Variants in HTR3A observed in about 807,000 individuals in gnomAD.
HTR3A encodes the protein 5-hydroxytryptamine (serotonin) receptor 3A, ionotropic.
Under a neutral mutation model 54.8 loss-of-function variants are expected in HTR3A, and 45 were observed. The ratio of observed to expected loss-of-function variants is 0.82; its 90% CI spans 0.65 to 1.05. HTR3A has a LOEUF of 1.05. Among genes scored for constraint, HTR3A ranks in the 50% least tolerant of loss-of-function variants. HTR3A has a pLI of 0.00. For missense variants in HTR3A, 657 were observed against 614.0 expected (o/e 1.07, Z -0.74); for synonymous variants, 297 against 256.0 (o/e 1.16, Z -1.53).
chr11:113,989,430 C>T lies in HTR3A; in HGVS notation c.1139-35C>T, dbSNP rs368225363. ...CCATGTTCAGGTCACCACCCGGGGT[C>T]TCCCTCTCTTGCCAATGCCCTGCCC... is the stretch of plus-strand genomic sequence containing the variant. On this transcript the variant is annotated intron_variant, in intron 8 of 8. Transcript: ENST00000504030. This position sits in a 1 kb window ranked among gnomAD's most constrained non-coding sequence, Gnocchi z 4.4. 6.2e-7 allele frequency: 1 copy of T among 1,612,418 alleles called. No individual in the cohort carries two copies. The highest frequency in any genetic ancestry group is 8.5e-7 in the Non-Finnish European group (1 of 1,179,278).
At chr11:113,988,410 C>T (rs1173824234) in intron 8 of HTR3A, among the ~76,000 whole-genome samples, 1 of 152,212 alleles carries the variant, frequency 6.6e-6, no homozygotes, top group African/African-American at 2.4e-5. Context: ...AATGATCCTC[C>T]AAGTATGTGA....
rs183308867 is a variant in HTR3A at position 113,977,663 on chromosome 11, G to A, written c.68-108G>A. 69 of 1,506,740 alleles carry A rather than the reference G, an allele frequency of 4.6e-5. No individual in the cohort carries two copies. The East Asian group carries it at 1.4e-3, about 31-fold the overall frequency. 93.3% of individuals were successfully genotyped at this position (1,506,740 alleles called of 1,614,324 possible). On this transcript the variant is annotated intron_variant, in intron 1 of 8. Transcript: ENST00000504030. ...CAGTCTGTGTTTAGAATTTTGTGAGGTGGGGATGGTGGGGATACGTCTCTT... is the reference window on the plus strand; with the variant it reads ...CAGTCTGTGTTTAGAATTTTGTGAGATGGGGATGGTGGGGATACGTCTCTT...
At chr11:113,984,820 A>G (rs1417594689) in intron 5 of HTR3A, among the ~76,000 whole-genome samples, 1 of 152,112 alleles carries the variant, frequency 6.6e-6, no homozygotes, top group African/African-American at 2.4e-5. Context: ...CAGGAGACTG[A>G]GGCTGGAGAA....
chr11:113,983,380 C>T (rs1223585452), intron 5 of HTR3A, 91 bp downstream of exon 5: 26 of 1,336,780 alleles, frequency 1.9e-5, no homozygotes, highest in Admixed American at 3.4e-5. Flanking sequence ...CGCCTTCTCA[C>T]GTATCCAGCC....
chr11:113,989,521 A>G lies in HTR3A; in HGVS notation c.1195A>G (p.Arg399Gly). The G allele has an allele frequency of 6.2e-7, 1 of 1,614,082 alleles. No homozygotes were observed. Among genetic ancestry groups the G allele is most frequent in the Non-Finnish European group, 8.5e-7 (1 of 1,180,006 alleles). The change falls in exon 9 of 9, where the codon AGG becomes GGG. Residue 399 changes from arginine (R) to glycine (G), a missense_variant. Physicochemically the swap from Arg to Gly is moderately radical, Grantham distance 125. Coordinates refer to ENST00000504030, the MANE Select transcript of HTR3A (RefSeq NM_000869.6). The surrounding 1 kb of genome is among the most constrained non-coding windows in gnomAD (Gnocchi z 4.4). ...GGPQDFEKSPRDRCSPPPPPR... is the reference protein window; with the variant it reads ...GGPQDFEKSPGDRCSPPPPPR... ...ACCCCAGGACTTCGAGAAGAGCCCG[A>G]GGGACAGATGTAGCCCTCCCCCACC...
intron 2 of HTR3A, among the ~76,000 whole-genome samples, chr11:113,978,988 C>A (rs1414113430): frequency 6.6e-6 from 1 of 152,176 alleles, no homozygotes; most frequent in Admixed American, 6.5e-5. Context: ...GCAAGACTGT[C>A]TCAAAATAAA....
rs34570010 is a variant in HTR3A at position 113,976,829 on chromosome 11, G to A, written c.68-942G>A. On this transcript the variant is annotated intron_variant, in intron 1 of 8. Coordinates refer to ENST00000504030, the MANE Select transcript of HTR3A (RefSeq NM_000869.6). ...CAGCTCCATCTCCCCTTTGCTGCCC[G>A]TATGCTGGCCCTCTAGGTTGTACTC... Among the ~76,000 whole-genome samples, 733 of 151,058 alleles carry A rather than the reference G, an allele frequency of 4.9e-3. 5 individuals are homozygous for A. Among genetic ancestry groups the A allele is most frequent in the East Asian group, 0.02 (103 of 5,096 alleles).
intron 8 of HTR3A, among the ~76,000 whole-genome samples, chr11:113,988,036 T>C (rs978803137): frequency 1.3e-4 from 20 of 152,212 alleles, no homozygotes; most frequent in Non-Finnish European, 2.2e-4. Context: ...TTGTCCTAAA[T>C]CACAGAGCCA....
At chr11:113,981,558 G>T (rs868498726) in intron 4 of HTR3A, among the ~76,000 whole-genome samples, 6 of 152,088 alleles carry the variant, frequency 3.9e-5, no homozygotes. Context: ...TAGTCCAGGG[G>T]CCCCTGCCAC....
chr11:113,989,117 C>T lies in HTR3A; in HGVS notation c.1139-348C>T, dbSNP rs774114693. 2.6e-5 allele frequency among the ~76,000 whole-genome samples: 4 copies of T among 151,502 alleles called. No homozygotes were observed. The highest frequency in any genetic ancestry group is 4.9e-5 in the African/African-American group (2 of 41,174). ...GCTCACACCTGTAATCCCAGCACCA[C>T]GGGAGGCCAAAGTAGGCGGATCACT... On this transcript the variant is annotated intron_variant, in intron 8 of 8. Transcript: ENST00000504030. The surrounding 1 kb of genome is among the most constrained non-coding windows in gnomAD (Gnocchi z 4.4).
At chr11:113,985,965 C>T (rs759407718) in intron 5 of HTR3A, 50 bp from the exon 6 acceptor site, 1 of 1,606,542 alleles carries the variant, frequency 6.2e-7, no homozygotes, top group South Asian at 1.1e-5. Context: ...CAGGGTCCAG[C>T]AGGCTCTGGG....
In HTR3A at chr11:113,989,433, C is replaced by T; in HGVS notation, c.1139-32C>T. The stretch of plus-strand genomic sequence containing the variant: ...TGTTCAGGTCACCACCCGGGGTCTC[C>T]CTCTCTTGCCAATGCCCTGCCCTTC... On this transcript the variant is annotated intron_variant, in intron 8 of 8. Transcript: ENST00000504030. The surrounding 1 kb of genome is among the most constrained non-coding windows in gnomAD (Gnocchi z 4.4). 2 of 1,613,008 alleles carry T rather than the reference C, an allele frequency of 1.2e-6. No homozygotes were observed. The highest frequency in any genetic ancestry group is 1.7e-6 in the Non-Finnish European group (2 of 1,179,706).
intron 5 of HTR3A, 109 bp from the exon 6 acceptor site, chr11:113,985,906 A>G (rs1950484103): frequency 1.7e-6 from 2 of 1,179,074 alleles, no homozygotes; most frequent in Non-Finnish European, 1.3e-6. Context: ...AGGTTGGGCC[A>G]TCGGATATCA....
intron 1 of HTR3A, 133 bp from the exon 2 acceptor site, chr11:113,977,638 C>G (rs1565578095): frequency 6.7e-6 from 10 of 1,495,140 alleles, no homozygotes; most frequent in South Asian, 1.2e-5. Context: ...GTGAGAATGT[C>G]AGTCTGTGTT....
chr11:113,987,346 G>C (rs1176358511), intron 8 of HTR3A, among the ~76,000 whole-genome samples: 2 of 152,226 alleles, frequency 1.3e-5, no homozygotes, highest in African/African-American at 4.8e-5. Flanking sequence ...ATGGACCCAT[G>C]GGTGAAGTCA....
chr11:113,989,041 G>C lies in HTR3A; in HGVS notation c.1139-424G>C, dbSNP rs1316843280. 6.6e-6 allele frequency among the ~76,000 whole-genome samples: 1 copy of C among 152,082 alleles called. No homozygotes were observed. Among genetic ancestry groups the C allele is most frequent in the South Asian group, 2.1e-4 (1 of 4,828 alleles). The stretch of plus-strand genomic sequence containing the variant: ...GGATGGTGGATTTGCAGGTATGTAA[G>C]TTACTCTTTATACTTTTTATGTCTA... On this transcript the variant is annotated intron_variant, in intron 8 of 8. Coordinates refer to ENST00000504030, the MANE Select transcript of HTR3A (RefSeq NM_000869.6). This position sits in a 1 kb window ranked among gnomAD's most constrained non-coding sequence, Gnocchi z 4.4.
chr11:113,977,555 A>G (rs1317674626), intron 1 of HTR3A: 3 of 1,548,486 alleles, frequency 1.9e-6, no homozygotes, highest in Non-Finnish European at 2.6e-6. Context: ...CTGTCAATGA[A>G]TGCATAGGTC....
chr11:113,976,046 C>T (rs1950347400), intron 1 of HTR3A, among the ~76,000 whole-genome samples: 1 of 152,144 alleles, frequency 6.6e-6, no homozygotes, highest in Admixed American at 6.5e-5. Flanking sequence ...GGACCGGCTT[C>T]CTTTTGCTGC....
intron 8 of HTR3A, among the ~76,000 whole-genome samples, chr11:113,987,420 G>GTT (rs951038744): frequency 6.6e-6 from 1 of 152,116 alleles, no homozygotes; most frequent in African/African-American, 2.4e-5. Flanking sequence ...TGCCACTGGG[G>GTT]TTTCTAAAAC....
Sources: allele counts gnomAD v4.1 joint callset (sites outside exome capture counted in the v4.1 genomes callset), GRCh38; gene constraint gnomAD v4.1.1; non-coding constraint Gnocchi (gnomAD v3.1); transcripts MANE v1.5; gene names NCBI Gene and HGNC (gene_info 2026-07-23, HGNC 2026-07-21).